Variants in FMOD observed in about 807,000 individuals in gnomAD.
FMOD encodes fibromodulin, also known as KSPG fibromodulin.
Under a neutral mutation model 27.0 loss-of-function variants are expected in FMOD, and 15 were observed. The ratio of observed to expected loss-of-function variants is 0.55; its 90% CI spans 0.37 to 0.85. The LOEUF is 0.85. FMOD is among the 40% of genes least tolerant of loss of function. The pLI is 0.00. For synonymous variants in FMOD, 210 were observed against 214.0 expected, an observed-to-expected ratio of 0.98 and a Z score of 0.16; for missense variants, 460 against 483.2, an observed-to-expected ratio of 0.95 and a Z score of 0.45.
chr1:203,342,473 C>T lies in FMOD; in HGVS notation c.1001G>A (p.Cys334Tyr), dbSNP rs1461962857. The change falls in exon 3 of 3, where the codon TGC (cysteine) becomes TAC (tyrosine). Residue 334 changes from cysteine (C) to tyrosine (Y), a missense_variant. Coordinates refer to ENST00000354955, the MANE Select transcript of FMOD (RefSeq NM_002023.5). ...GAAGTTCACGACGTCCACCACGGTG[C>T]AGAAGCTGCTGATGGAGAACTCTGT... Reference protein sequence around the residue: ...RINEFSISSFCTVVDVVNFSK... With the variant: ...RINEFSISSFYTVVDVVNFSK... 3 of 1,613,870 alleles carry T rather than the reference C, an allele frequency of 1.9e-6. No individual in the cohort carries two copies. The highest frequency in any genetic ancestry group is 2.7e-5 in the African/African-American group (2 of 74,938).
rs58814042 is a variant in FMOD at position 203,345,897 on chromosome 1, CA to C, written c.979+1394del. Among the ~76,000 whole-genome samples, 1,279 of 129,906 alleles carry C rather than the reference CA, an allele frequency of 9.8e-3. 18 individuals are homozygous for C. Among genetic ancestry groups the C allele is most frequent in the African/African-American group, 0.036 (1,225 of 34,426 alleles). 85.2% of individuals were successfully genotyped at this position (129,906 alleles called of 152,430 possible). A position where few individuals can be genotyped will look rare whatever the true frequency, so the allele number is the denominator to read the frequency against. On this transcript the variant is annotated intron_variant, in intron 2 of 2. Coordinates refer to ENST00000354955, the MANE Select transcript of FMOD (RefSeq NM_002023.5). ...TGGGTGACAGAGCGAGACTCTGTCT[CA>C]AAAAAAAAAAAAAAGACGTCTTAGA...
chr1:203,343,080 A>T (rs1278136091), intron 2 of FMOD, among the ~76,000 whole-genome samples: 6 of 152,224 alleles, frequency 3.9e-5, no homozygotes, highest in African/African-American at 1.4e-4. Flanking sequence ...CAGAGCAGTG[A>T]GCAAGGCTCT....
rs551384312 is a variant in FMOD, at chr1:203,345,884, C to T, written c.979+1408G>A. ...CTGCACTCCGGCCTGGGTGACAGAG[C>T]GAGACTCTGTCTCAAAAAAAAAAAA... On this transcript the variant is annotated intron_variant, in intron 2 of 2. Transcript: ENST00000354955. Among the ~76,000 whole-genome samples the T allele has an allele frequency of 4.6e-4, 46 of 99,840 alleles. No individual in the cohort carries two copies. In the South Asian group the frequency reaches 0.017, roughly 37 times the overall value. 65.5% of individuals were successfully genotyped at this position (99,840 alleles called of 152,430 possible).
intron 1 of FMOD, 39 bp from the exon 2 acceptor site, chr1:203,348,316 G>A (rs1658933755): frequency 5.1e-6 from 8 of 1,583,490 alleles, no homozygotes; most frequent in Non-Finnish European, 6.9e-6. Flanking sequence ...GCCAGCATGA[G>A]TGAGACTCCA....
Position 203,348,278 on chromosome 1 carries a change from C to T in FMOD, c.-7-1G>A, listed in dbSNP as rs1249001645. 1.2e-6 allele frequency: 2 copies of T among 1,609,666 alleles called. No homozygotes were observed. The highest frequency in any genetic ancestry group is 3.3e-5 in the Admixed American group (2 of 59,832). ...GAGGGAGGTCCACTGCATTTTGTCT[C>T]TGCAAGAAGCGGGAGAGAACAGAGC... is the stretch of plus-strand genomic sequence containing the variant. On this transcript the variant is annotated splice_acceptor_variant, in intron 1 of 2. Coordinates refer to ENST00000354955, the MANE Select transcript of FMOD (RefSeq NM_002023.5). LOFTEE classifies it low-confidence loss of function (5UTR_SPLICE).
At chr1:203,344,897 A>G (rs972977814) in intron 2 of FMOD, among the ~76,000 whole-genome samples, 1 of 152,148 alleles carries the variant, frequency 6.6e-6, no homozygotes, top group Non-Finnish European at 1.5e-5. Flanking sequence ...TCTAATCTAC[A>G]TCATCTGGAG....
Position 203,348,057 on chromosome 1 carries a change from C to A in FMOD, c.214G>T (p.Asp72Tyr). ...AYTYGSPSPP[D>Y]PRDCPQECDC... ...CACTCCTGGGGGCAGTCGCGGGGATCTGGAGGGGATGGAGAGCCGTAGGTG... is the reference window on the plus strand; with the variant it reads ...CACTCCTGGGGGCAGTCGCGGGGATATGGAGGGGATGGAGAGCCGTAGGTG... The change falls in exon 2 of 3, where the codon GAT becomes TAT. Residue 72 changes from aspartate (D) to tyrosine (Y), a missense_variant. Asp to Tyr is a radical substitution (Grantham distance 160). Transcript: ENST00000354955. The A allele has an allele frequency of 6.2e-7, 1 of 1,613,676 alleles. No individual in the cohort carries two copies. The highest frequency in any genetic ancestry group is 8.5e-7 in the Non-Finnish European group (1 of 1,179,772).
chr1:203,347,896 A>G lies in FMOD; in HGVS notation c.375T>C (p.Phe125=). Residue 125 remains phenylalanine, a synonymous_variant, in exon 2 of 3, where the codon TTT becomes TTC. Transcript: ENST00000354955. ...NQITSIQEGV[F]DNATGLLWIA... is the part of the protein sequence containing the mutation. ...TCCAGAGCAGCCCTGTGGCATTGTC[A>G]AAGACGCCTTCCTGGATGGAGGTGA... 1 of 1,613,710 alleles carries G rather than the reference A, an allele frequency of 6.2e-7. No individual in the cohort carries two copies. The highest frequency in any genetic ancestry group is 8.5e-7 in the Non-Finnish European group (1 of 1,179,636).
chr1:203,344,050 A>C (rs1658844258), intron 2 of FMOD, among the ~76,000 whole-genome samples: 1 of 152,172 alleles, frequency 6.6e-6, no homozygotes, highest in African/African-American at 2.4e-5. Flanking sequence ...AATTTCTGGA[A>C]TACTTTTGGA....
chr1:203,349,218 A>G (rs1658949555), intron 1 of FMOD, among the ~76,000 whole-genome samples: 1 of 152,216 alleles, frequency 6.6e-6, no homozygotes, highest in Admixed American at 6.5e-5. Context: ...AATGAGGGAC[A>G]CCAAAAGAAT....
intron 2 of FMOD, among the ~76,000 whole-genome samples, chr1:203,343,801 A>G (rs1021269122): frequency 2.0e-5 from 3 of 152,242 alleles, no homozygotes; most frequent in African/African-American, 7.2e-5. Flanking sequence ...GACAGTTCCA[A>G]GAAAGACAGC....
chr1:203,342,429 G>T lies in FMOD; in HGVS notation c.1045C>A (p.Arg349Ser), dbSNP rs762152396. The stretch of plus-strand genomic sequence containing the variant: ...CGCTTGATCTCGTTCCCGTCCAGGC[G>T]CAGCACCTGCAGCTTGGAGAAGTTC... ...VVNFSKLQVL[R>S]LDGNEIKRSA... is the part of the protein sequence containing the mutation. Residue 349 changes from arginine (R) to serine (S), a missense_variant, in exon 3 of 3, where the codon CGC becomes AGC. Coordinates refer to ENST00000354955, the MANE Select transcript of FMOD (RefSeq NM_002023.5). The T allele has an allele frequency of 1.2e-6, 2 of 1,614,122 alleles. No individual in the cohort carries two copies. The highest frequency in any genetic ancestry group is 1.3e-5 in the African/African-American group (1 of 75,060).
intron 1 of FMOD, among the ~76,000 whole-genome samples, chr1:203,349,427 C>T (rs1164285332): frequency 6.6e-6 from 1 of 152,114 alleles, no homozygotes; most frequent in Non-Finnish European, 1.5e-5. Context: ...ACAGGGCAGA[C>T]TGAAGAGGAA....
Position 203,347,494 on chromosome 1 carries a change from G to T in FMOD, c.777C>A (p.Val259=). 4 of 1,614,198 alleles carry T rather than the reference G, an allele frequency of 2.5e-6. No homozygotes were observed. The highest frequency in any genetic ancestry group is 3.4e-6 in the Non-Finnish European group (4 of 1,180,040). Reference sequence around the variant, plus strand: ...GCGCCCCCCGGAAGTAGCTATCGGGGACGGTGTAGACATTGTTGTGCTCCA... The same window carrying T: ...GCGCCCCCCGGAAGTAGCTATCGGGTACGGTGTAGACATTGTTGTGCTCCA... ...LYMEHNNVYT[V]PDSYFRGAPK... is the part of the protein sequence containing the mutation. Residue 259 remains valine, a synonymous_variant, in exon 2 of 3, where the codon GTC becomes GTA. Transcript: ENST00000354955.
chr1:203,347,145 A>T, intron 2 of FMOD, 147 bp downstream of exon 2: 1 of 850,158 alleles, frequency 1.2e-6, no homozygotes, highest in Non-Finnish European at 1.8e-6. Context: ...TCTTTTGTAC[A>T]GGGGTATGGC....
rs780528401 is a variant in FMOD at position 203,347,565 on chromosome 1, G to A, written c.706C>T (p.Arg236Trp). Reference protein sequence around the residue: ...ILLDLSYNHLRKVPDGLPSAL... With the variant: ...ILLDLSYNHLWKVPDGLPSAL... ...GAGGGCAGCCCATCAGGCACCTTCC[G>A]AAGGTGGTTATAACTCAGGTCCAGC... Residue 236 changes from arginine to tryptophan, a missense_variant, in exon 2 of 3, where the codon CGG (arginine) becomes TGG (tryptophan). Arg to Trp is a moderately radical substitution (Grantham distance 101). Coordinates refer to ENST00000354955, the MANE Select transcript of FMOD (RefSeq NM_002023.5). 27 of 1,614,062 alleles carry A rather than the reference G, an allele frequency of 1.7e-5. No individual in the cohort carries two copies. The highest frequency in any genetic ancestry group is 2.2e-5 in the East Asian group (1 of 44,902).
chr1:203,350,629 T>C (rs553305285), intron 1 of FMOD, among the ~76,000 whole-genome samples: 1 of 151,928 alleles, frequency 6.6e-6, no homozygotes, highest in Non-Finnish European at 1.5e-5. Context: ...TTTCCCCCTC[T>C]CCCATAATAG....
At position 203,342,194 on chromosome 1, in the gene FMOD, CT is replaced by C. The variant is rs548568669; in HGVS notation, c.*148del. 2.1e-4 allele frequency: 207 copies of C among 972,978 alleles called. 1 individual carries two copies. Among genetic ancestry groups the C allele is most frequent in the East Asian group, 1.6e-3 (58 of 37,234 alleles). 60.3% of individuals were successfully genotyped at this position (972,978 alleles called of 1,614,324 possible). ...GGCTGCCTGTCCCTGATCGCCCCCC[CT>C]AACCCCACCTACAGGAAAGAAGACT... On this transcript the variant is annotated 3_prime_UTR_variant, in exon 3 of 3. Transcript: ENST00000354955.
chr1:203,348,005 G>A lies in FMOD; in HGVS notation c.266C>T (p.Ala89Val), dbSNP rs1271438685. ...ECDCPPNFPT[A>V]MYCDNRNLKY... ...GAGGTTGCGATTGTCACAGTACATG[G>A]CCGTGGGGAAGTTGGGTGGGCAGTC... The change falls in exon 2 of 3, where the codon GCC becomes GTC. Residue 89 changes from alanine (A) to valine (V), a missense_variant. Ala to Val is a moderately conservative substitution (Grantham distance 64). Transcript: ENST00000354955. 6.2e-7 allele frequency: 1 copy of A among 1,608,450 alleles called. No individual in the cohort carries two copies. The highest frequency in any genetic ancestry group is 2.2e-5 in the East Asian group (1 of 44,802).
Sources: gnomAD v4.1 joint callset for allele counts (sites outside exome capture counted in the v4.1 genomes callset) on GRCh38, gnomAD v4.1.1 for gene constraint, MANE v1.5 for transcripts, NCBI Gene and HGNC (gene_info 2026-07-23, HGNC 2026-07-21) for gene names.